The following CYTH3 variants were observed in gnomAD, a reference collection of about 807,000 sequenced individuals.
CYTH3 encodes the protein cytohesin 3.
In CYTH3, 23 loss-of-function variants were observed where a neutral mutation model predicts 55.1. That is an observed-to-expected ratio of 0.42 (90% CI 0.30 to 0.59). The LOEUF is 0.59. Among genes scored for constraint, CYTH3 ranks in the 20% least tolerant of loss-of-function variants. CYTH3 has a pLI of 0.20. For synonymous variants in CYTH3, 249 were observed against 194.9 expected (o/e 1.28, Z -2.31); for missense variants, 413 against 524.8 (o/e 0.79, Z 2.08).
intron 1 of CYTH3, among the ~76,000 whole-genome samples, chr7:6,204,971 T>C (rs1041014110): frequency 1.3e-5 from 2 of 151,494 alleles, no homozygotes; most frequent in African/African-American, 4.9e-5. Context: ...TCAAGGCCAG[T>C]TTGGGCAACA....
At chr7:6,200,134 T>C (rs1487152881) in intron 1 of CYTH3, among the ~76,000 whole-genome samples, 1 of 152,200 alleles carries the variant, frequency 6.6e-6, no homozygotes, top group Non-Finnish European at 1.5e-5. Flanking sequence ...TCACAGATAC[T>C]CATATTAAAA....
In CYTH3 at chr7:6,164,059, T is replaced by C. The variant is rs566840337; in HGVS notation, c.*885A>G. ...AACACCCCCAAACCATTAACTGTTA[T>C]AATTTTAATGATTTGCTTAAAGTAT... On this transcript the variant is annotated 3_prime_UTR_variant, in exon 13 of 13. Coordinates refer to ENST00000350796, the MANE Select transcript of CYTH3 (RefSeq NM_004227.4). 5 of 152,340 alleles carry C rather than the reference T, an allele frequency of 3.3e-5. No homozygotes were observed. Among genetic ancestry groups the C allele is most frequent in the African/African-American group, 9.6e-5 (4 of 41,580 alleles). The allele number at this position is 152,340 out of a possible 1,614,324, so 9.4% of individuals were successfully genotyped here. A position where few individuals can be genotyped will look rare whatever the true frequency, so the allele number is the denominator to read the frequency against.
intron 1 of CYTH3, among the ~76,000 whole-genome samples, chr7:6,232,596 A>T (rs1388022345): frequency 6.6e-6 from 1 of 152,114 alleles, no homozygotes; most frequent in Non-Finnish European, 1.5e-5. Flanking sequence ...GTGACAAGAA[A>T]CAGACAATTT....
At chr7:6,258,244 T>C (rs1583203055) in intron 1 of CYTH3, among the ~76,000 whole-genome samples, 1 of 148,794 alleles carries the variant, frequency 6.7e-6, no homozygotes, top group African/African-American at 2.5e-5. Flanking sequence ...GCCAAGGAGG[T>C]TGAGACCGCA....
At position 6,173,665 on chromosome 7, in the gene CYTH3, A is replaced by G; in HGVS notation, c.437T>C (p.Val146Ala). Residue 146 changes from valine (V) to alanine (A), a missense_variant, in exon 6 of 13, where the codon GTA becomes GCA. Coordinates refer to ENST00000350796, the MANE Select transcript of CYTH3 (RefSeq NM_004227.4). ...ELHEFADLNL[V>A]QALRQFLWSF... ...TGATCATACTTACCTTAAGGCTTGT[A>G]CAAGGTTGAGATCAGCAAACTCATG... 1 of 1,608,580 alleles carries G rather than the reference A, an allele frequency of 6.2e-7. No individual in the cohort carries two copies. The highest frequency in any genetic ancestry group is 8.5e-7 in the Non-Finnish European group (1 of 1,175,022).
chr7:6,272,056 C>A (rs552372500), intron 1 of CYTH3, among the ~76,000 whole-genome samples: 1 of 152,348 alleles, frequency 6.6e-6, no homozygotes, highest in South Asian at 2.1e-4. Context: ...ACCGGCTCAG[C>A]CGCTTCCGCC....
chr7:6,241,303 A>G (rs1779667130), intron 1 of CYTH3, among the ~76,000 whole-genome samples: 1 of 152,220 alleles, frequency 6.6e-6, no homozygotes, highest in Non-Finnish European at 1.5e-5. Flanking sequence ...AATTTGAAAA[A>G]GACTAACAAC....
At chr7:6,165,895 C>T in intron 9 of CYTH3, 85 bp from the exon 10 acceptor site, 2 of 1,376,950 alleles carry the variant, frequency 1.5e-6, no homozygotes, top group South Asian at 1.2e-5. Flanking sequence ...CTGCACAGAC[C>T]ACTGCGTTTT....
intron 1 of CYTH3, among the ~76,000 whole-genome samples, chr7:6,191,153 G>A (rs1406636666): frequency 6.7e-6 from 1 of 149,836 alleles, no homozygotes; most frequent in South Asian, 2.1e-4. Context: ...TGATGACTAT[G>A]AAAGAAGGCT....
intron 6 of CYTH3, chr7:6,172,757 C>G: frequency 8.0e-7 from 1 of 1,253,458 alleles, no homozygotes; most frequent in Non-Finnish European, 1.0e-6. Flanking sequence ...TCTGGATGTA[C>G]AGCTTCCAGA....
chr7:6,241,207 C>G (rs1443940492), intron 1 of CYTH3, among the ~76,000 whole-genome samples: 1 of 152,062 alleles, frequency 6.6e-6, no homozygotes, highest in South Asian at 2.1e-4. Flanking sequence ...CAAGTAAACC[C>G]AAGGAGTCAA....
At chr7:6,258,835 T>C (rs556417447) in intron 1 of CYTH3, among the ~76,000 whole-genome samples, 31 of 152,322 alleles carry the variant, frequency 2.0e-4, no homozygotes, top group African/African-American at 7.0e-4. Flanking sequence ...GAATCAACTA[T>C]AAAAATAGCT....
At chr7:6,237,150 G>T (rs917891489) in intron 1 of CYTH3, among the ~76,000 whole-genome samples, 1 of 138,788 alleles carries the variant, frequency 7.2e-6, no homozygotes, top group Non-Finnish European at 1.6e-5. Context: ...CGTTGCTTCA[G>T]CTCTCCCAGA....
At position 6,163,855 on chromosome 7, in the gene CYTH3, G is replaced by C. The variant is rs931457712; in HGVS notation, c.*1089C>G. ...AGTCTGTAAAATAAGCGTTCATTTT[G>C]CCACAGGTTTTAAATAGCGATGAAT... On this transcript the variant is annotated 3_prime_UTR_variant, in exon 13 of 13. Coordinates refer to ENST00000350796, the MANE Select transcript of CYTH3 (RefSeq NM_004227.4). 2.0e-5 allele frequency: 3 copies of C among 152,170 alleles called. No individual in the cohort carries two copies. Among genetic ancestry groups the C allele is most frequent in the South Asian group, 2.1e-4 (1 of 4,828 alleles). 9.4% of individuals were successfully genotyped at this position (152,170 alleles called of 1,614,324 possible).
At chr7:6,239,420 C>G (rs1779615257) in intron 1 of CYTH3, among the ~76,000 whole-genome samples, 2 of 152,204 alleles carry the variant, frequency 1.3e-5, no homozygotes, top group Admixed American at 1.3e-4. Context: ...ACAATGACTT[C>G]CAAAGTTGAT....
chr7:6,242,064 G>A (rs2128555588), intron 1 of CYTH3, among the ~76,000 whole-genome samples: 1 of 152,146 alleles, frequency 6.6e-6, no homozygotes, highest in Admixed American at 6.5e-5. Context: ...AAGGGAACAG[G>A]GCAGAGGGGT....
intron 1 of CYTH3, among the ~76,000 whole-genome samples, chr7:6,265,328 C>G (rs1313292018): frequency 6.6e-6 from 1 of 151,288 alleles, no homozygotes; most frequent in Non-Finnish European, 1.5e-5. Context: ...GAAAAAAAAG[C>G]TTGGCTGGGC....
intron 4 of CYTH3, among the ~76,000 whole-genome samples, chr7:6,179,578 T>C (rs1002084362): frequency 6.7e-6 from 1 of 148,636 alleles, no homozygotes; most frequent in Non-Finnish European, 1.5e-5. Flanking sequence ...CCATCTAAAT[T>C]ACAAGACAGA....
intron 1 of CYTH3, among the ~76,000 whole-genome samples, chr7:6,271,776 C>A (rs1780665035): frequency 6.6e-6 from 1 of 152,224 alleles, no homozygotes; most frequent in Non-Finnish European, 1.5e-5. Flanking sequence ...GCACACCTGG[C>A]TCTCCGGTCT....
Sources: gnomAD v4.1 joint callset for allele counts (sites outside exome capture counted in the v4.1 genomes callset) on GRCh38, gnomAD v4.1.1 for gene constraint, MANE v1.5 for transcripts, NCBI Gene and HGNC (gene_info 2026-07-23, HGNC 2026-07-21) for gene names.